The following HEATR4 variants were observed in gnomAD, a reference collection of about 807,000 sequenced individuals.
HEATR4 encodes HEAT repeat-containing protein 4.
A neutral mutation model predicts 108.8 loss-of-function variants in HEATR4; 95 were observed. That is an observed-to-expected ratio of 0.87 (90% CI 0.74 to 1.04). HEATR4 has a LOEUF of 1.04. HEATR4 is among the 50% of genes least tolerant of loss of function. The pLI is 0.00. For missense variants in HEATR4, 1,152 were observed against 1,253.8 expected, an observed-to-expected ratio of 0.92 and a Z score of 1.23; for synonymous variants, 443 against 459.4, an observed-to-expected ratio of 0.96 and a Z score of 0.46.
chr14:73,513,489 G>A (rs774757079), intron 6 of HEATR4, among the ~76,000 whole-genome samples: 38 of 151,566 alleles, frequency 2.5e-4, no homozygotes, highest in Middle Eastern at 3.4e-3. Flanking sequence ...TGGCGCGGTG[G>A]CCAAGGCGGG....
chr14:73,504,677 G>A (rs1886697433), intron 10 of HEATR4, among the ~76,000 whole-genome samples: 1 of 152,190 alleles, frequency 6.6e-6, no homozygotes, highest in Admixed American at 6.5e-5. Flanking sequence ...TGTACTGAGT[G>A]GCCAGATTTT....
intron 2 of HEATR4, 139 bp downstream of exon 2, chr14:73,530,027 A>G (rs1888610360): frequency 7.2e-6 from 1 of 139,062 alleles, no homozygotes; most frequent in Non-Finnish European, 1.6e-5. Flanking sequence ...GCGGTGGCAC[A>G]GTCATGGCTC....
the HEATR4 span, among the ~76,000 whole-genome samples, chr14:73,629,866 T>C: frequency 9.9e-5 from 15 of 151,658 alleles, no homozygotes; most frequent in South Asian, 2.1e-4. Context: ...CCAGGATGGT[T>C]TGGATCTCCT....
At chr14:73,494,812 T>C (rs1886003024) in intron 16 of HEATR4, among the ~76,000 whole-genome samples, 1 of 152,144 alleles carries the variant, frequency 6.6e-6, no homozygotes, top group African/African-American at 2.4e-5. Flanking sequence ...CCTCCCACCA[T>C]GGCCTCCCAA....
At chr14:73,512,640 G>A (rs1343075440) in intron 6 of HEATR4, among the ~76,000 whole-genome samples, 1 of 152,120 alleles carries the variant, frequency 6.6e-6, no homozygotes, top group African/African-American at 2.4e-5. Flanking sequence ...CAAAATGCCT[G>A]GCAAGATAAT....
chr14:73,600,175 C>A, the HEATR4 span, among the ~76,000 whole-genome samples: 1 of 152,166 alleles, frequency 6.6e-6, no homozygotes, highest in Admixed American at 6.6e-5. Context: ...TGGCACACAG[C>A]TGTCACTAGC....
intron 5 of HEATR4, 110 bp from the exon 6 acceptor site, chr14:73,514,344 C>T: frequency 3.3e-6 from 3 of 895,680 alleles, no homozygotes; most frequent in Non-Finnish European, 5.2e-6. Flanking sequence ...CAAAGCAAAA[C>T]AAAACCCTCA....
intron 13 of HEATR4, 50 bp downstream of exon 13, chr14:73,499,021 A>G: frequency 6.7e-7 from 1 of 1,496,938 alleles, no homozygotes; most frequent in Non-Finnish European, 9.3e-7. Flanking sequence ...CTACTTGCAT[A>G]GGCAAAGGTA....
At chr14:73,549,717 C>A (rs1342208970) in intron 1 of HEATR4, among the ~76,000 whole-genome samples, 1 of 76,612 alleles carries the variant, frequency 1.3e-5, no homozygotes, top group Non-Finnish European at 2.9e-5. Context: ...CCTCCTGTTG[C>A]CCCTTCTCTG....
At chr14:73,518,976 A>T in intron 5 of HEATR4, 47 bp downstream of exon 5, 2 of 1,563,300 alleles carry the variant, frequency 1.3e-6, no homozygotes, top group Non-Finnish European at 1.7e-6. Flanking sequence ...GGAAGTAGCC[A>T]CATTCCCGTT....
At chr14:73,624,416 A>G in the HEATR4 span, among the ~76,000 whole-genome samples, 1 of 152,126 alleles carries the variant, frequency 6.6e-6, no homozygotes, top group African/African-American at 2.4e-5. Flanking sequence ...GGCATGAGCC[A>G]ACGCGCCCCG....
the HEATR4 span, among the ~76,000 whole-genome samples, chr14:73,611,995 C>A: frequency 7.2e-5 from 11 of 151,882 alleles, no homozygotes; most frequent in Non-Finnish European, 1.3e-4. Flanking sequence ...GGTTTTTGTG[C>A]CTCTATTTCG....
the HEATR4 span, chr14:73,574,837 G>A: frequency 1.3e-5 from 21 of 1,608,106 alleles, no homozygotes; most frequent in East Asian, 2.2e-5. Flanking sequence ...AACTTCCAGG[G>A]TGGACACAAC....
At chr14:73,629,955 C>T in the HEATR4 span, among the ~76,000 whole-genome samples, 2 of 151,528 alleles carry the variant, frequency 1.3e-5, no homozygotes, top group African/African-American at 4.9e-5. Context: ...CCCCAGATTA[C>T]TTATTTCTTA....
intron 1 of HEATR4, among the ~76,000 whole-genome samples, chr14:73,555,590 C>T (rs1889381358): frequency 8.7e-6 from 1 of 115,310 alleles, no homozygotes; most frequent in Non-Finnish European, 1.9e-5. Context: ...TCTTCTAAAA[C>T]ATTTTACATT....
chr14:73,620,332 G>A, the HEATR4 span, among the ~76,000 whole-genome samples: 1 of 152,204 alleles, frequency 6.6e-6, no homozygotes, highest in Non-Finnish European at 1.5e-5. Flanking sequence ...GTCACTGCTA[G>A]GTCCACGTAG....
chr14:73,584,000 T>TAAAAA, the HEATR4 span, among the ~76,000 whole-genome samples: 1 of 143,570 alleles, frequency 7.0e-6, no homozygotes, highest in African/African-American at 2.5e-5. Flanking sequence ...AATCTCCGTC[T>TAAAAA]AAAAAAAAAA....
At chr14:73,488,503 C>A (rs1206162398) in intron 17 of HEATR4, among the ~76,000 whole-genome samples, 1 of 151,934 alleles carries the variant, frequency 6.6e-6, no homozygotes, top group African/African-American at 2.4e-5. Flanking sequence ...ATCTCCTGAC[C>A]TCATGATCCA....
At chr14:73,586,033 A>T in the HEATR4 span, among the ~76,000 whole-genome samples, 2 of 151,362 alleles carry the variant, frequency 1.3e-5, no homozygotes, top group African/African-American at 4.8e-5. Context: ...AAAAAAAAAA[A>T]AACGTAAACT....
Sources: gnomAD v4.1 joint callset for allele counts (sites outside exome capture counted in the v4.1 genomes callset) on GRCh38, gnomAD v4.1.1 for gene constraint, MANE v1.5 for transcripts, NCBI Gene and HGNC (gene_info 2026-07-23, HGNC 2026-07-21) for gene names.